Variants in PPP1R12B observed in about 807,000 individuals in gnomAD.
PPP1R12B encodes the protein myosin phosphatase target subunit 2.
PPP1R12B carries 76 observed loss-of-function variants against 126.1 expected under a neutral mutation model. The observed-to-expected ratio is 0.60, with a 90% CI of 0.50 to 0.73. The LOEUF (loss-of-function observed/expected upper bound fraction) is 0.73, where lower values mean the gene tolerates loss of function less well. Among genes scored for constraint, PPP1R12B ranks in the 30% least tolerant of loss-of-function variants. PPP1R12B has a pLI of 0.00. For missense variants in PPP1R12B, 1,052 were observed against 1,205.1 expected (o/e 0.87, Z 1.88); for synonymous variants, 356 against 434.7 (o/e 0.82, Z 2.25).
At chr1:202,573,729 G>T (rs1277583522) in intron 23 of PPP1R12B, among the ~76,000 whole-genome samples, 1 of 152,130 alleles carries the variant, frequency 6.6e-6, no homozygotes, top group African/African-American at 2.4e-5. Context: ...TGGAATATGG[G>T]GTATCAGGAA....
At chr1:202,541,058 A>C (rs1054168702) in intron 18 of PPP1R12B, among the ~76,000 whole-genome samples, 4 of 152,210 alleles carry the variant, frequency 2.6e-5, no homozygotes, top group African/African-American at 9.7e-5. Flanking sequence ...ATAGCAAGGG[A>C]TGAGAAGCTC....
chr1:202,515,064 T>C (rs1031806554), intron 18 of PPP1R12B, among the ~76,000 whole-genome samples: 1 of 152,152 alleles, frequency 6.6e-6, no homozygotes, highest in African/African-American at 2.4e-5. Flanking sequence ...ATACCACATG[T>C]TGTCACTTAT....
chr1:202,471,832 G>A lies in PPP1R12B; in HGVS notation c.1851-16701G>A, dbSNP rs1207861751. Reference sequence around the variant, plus strand: ...TTATCCAAAATGTGTTTATTGAGATGGTTTCCCACTCATCTTGACTCAGAG... The same window carrying A: ...TTATCCAAAATGTGTTTATTGAGATAGTTTCCCACTCATCTTGACTCAGAG... On this transcript the variant is annotated intron_variant, in intron 13 of 23. Transcript: ENST00000608999. The A allele has an allele frequency of 3.7e-6, 5 of 1,362,840 alleles. No homozygotes were observed. The East Asian group carries it at 1.2e-4, about 32-fold the overall frequency. 84.4% of individuals were successfully genotyped at this position (1,362,840 alleles called of 1,614,324 possible).
At chr1:202,548,488 A>G (rs985948633) in intron 18 of PPP1R12B, among the ~76,000 whole-genome samples, 9 of 151,884 alleles carry the variant, frequency 5.9e-5, no homozygotes, top group African/African-American at 2.2e-4. Context: ...AGCCTCCCTA[A>G]TAGCTGGGAC....
At chr1:202,571,466 C>G (rs561494919) in intron 23 of PPP1R12B, among the ~76,000 whole-genome samples, 3 of 151,418 alleles carry the variant, frequency 2.0e-5, no homozygotes, top group East Asian at 1.9e-4. Flanking sequence ...CTCTTTGAGA[C>G]GGAGCCTCAC....
At chr1:202,352,883 G>A (rs927309019) in intron 1 of PPP1R12B, among the ~76,000 whole-genome samples, 34 of 59,702 alleles carry the variant, frequency 5.7e-4, no homozygotes, top group African/African-American at 1.9e-3. Context: ...GTGAGACTCC[G>A]TTTCAAAAAA....
At chr1:202,537,534 TA>T (rs535614957) in intron 18 of PPP1R12B, among the ~76,000 whole-genome samples, 7 of 152,152 alleles carry the variant, frequency 4.6e-5, no homozygotes, top group Non-Finnish European at 1.0e-4. Flanking sequence ...TAATATATGT[TA>T]AAACACTTTA....
At chr1:202,387,697 G>T (rs1476662354) in intron 1 of PPP1R12B, among the ~76,000 whole-genome samples, 1 of 151,980 alleles carries the variant, frequency 6.6e-6, no homozygotes, top group Admixed American at 6.6e-5. Context: ...TATTTGATCC[G>T]TTTCTGCCTA....
At chr1:202,499,857 G>T (rs1044130584) in intron 18 of PPP1R12B, among the ~76,000 whole-genome samples, 1 of 152,176 alleles carries the variant, frequency 6.6e-6, no homozygotes, top group East Asian at 1.9e-4. Context: ...GCCAGGAATG[G>T]CCATAATGTT....
chr1:202,370,957 G>C (rs1660121058), intron 1 of PPP1R12B, among the ~76,000 whole-genome samples: 1 of 147,074 alleles, frequency 6.8e-6, no homozygotes, highest in African/African-American at 2.5e-5. Context: ...GTTGATATCT[G>C]ATATTGTCAT....
intron 13 of PPP1R12B, among the ~76,000 whole-genome samples, chr1:202,485,182 G>T (rs754224554): frequency 6.6e-6 from 1 of 152,166 alleles, no homozygotes; most frequent in South Asian, 2.1e-4. Flanking sequence ...GGGTTGGGAG[G>T]GTAGTGTGCC....
At chr1:202,501,765 G>C in intron 18 of PPP1R12B, 1 of 791,598 alleles carries the variant, frequency 1.3e-6, no homozygotes, top group Non-Finnish European at 1.5e-6. Context: ...CTTTTTTCAG[G>C]GAACCTCTTT....
At chr1:202,520,906 C>T (rs1235852311) in intron 18 of PPP1R12B, among the ~76,000 whole-genome samples, 3 of 152,032 alleles carry the variant, frequency 2.0e-5, no homozygotes, top group Admixed American at 6.6e-5. Flanking sequence ...GGCAGGGGAT[C>T]GGGGGGTGCT....
chr1:202,483,480 CTG>C (rs1281528528), intron 13 of PPP1R12B, among the ~76,000 whole-genome samples: 1 of 152,074 alleles, frequency 6.6e-6, no homozygotes. Flanking sequence ...CAGAGGAAGT[CTG>C]TGCCCAAAAT....
chr1:202,571,380 G>A (rs572081280), intron 23 of PPP1R12B, among the ~76,000 whole-genome samples: 2 of 152,192 alleles, frequency 1.3e-5, no homozygotes, highest in African/African-American at 4.8e-5. Context: ...AAATTATCAA[G>A]TGGAGCCAGA....
rs764147457 is a variant in PPP1R12B, at chr1:202,562,804, C to CA, written c.2536dup (p.Thr846AsnfsTer3). The CA allele has an allele frequency of 6.2e-7, 1 of 1,612,752 alleles. No individual in the cohort carries two copies. The highest frequency in any genetic ancestry group is 8.5e-7 in the Non-Finnish European group (1 of 1,179,318). On this transcript the variant is annotated frameshift_variant, in exon 20 of 24. Transcript: ENST00000608999. LOFTEE classifies it high-confidence loss of function. ...TTGGAATCGGGAGGTAGTAATCCTA[C>CA]AACCAGTGATTCTTACGGTGACCGG... is the stretch of plus-strand genomic sequence containing the variant.
At chr1:202,547,735 A>G (rs1558358024) in intron 18 of PPP1R12B, among the ~76,000 whole-genome samples, 1 of 152,248 alleles carries the variant, frequency 6.6e-6, no homozygotes, top group Non-Finnish European at 1.5e-5. Flanking sequence ...AGACAGTAAA[A>G]TAATGACCTT....
At chr1:202,571,445 G>GC (rs543037954) in intron 23 of PPP1R12B, among the ~76,000 whole-genome samples, 1 of 150,232 alleles carries the variant, frequency 6.7e-6, no homozygotes, top group East Asian at 1.9e-4. Flanking sequence ...GCTGTTTTTT[G>GC]TTTTTTTTTT....
intron 1 of PPP1R12B, among the ~76,000 whole-genome samples, chr1:202,394,934 A>G (rs935741012): frequency 2.6e-5 from 4 of 152,118 alleles, no homozygotes. Context: ...CCTGGCCAAC[A>G]TGGTGAAACC....
Sources: gnomAD v4.1 joint callset for allele counts (sites outside exome capture counted in the v4.1 genomes callset) on GRCh38, gnomAD v4.1.1 for gene constraint, MANE v1.5 for transcripts, NCBI Gene and HGNC (gene_info 2026-07-23, HGNC 2026-07-21) for gene names.